CARMIL1: variants seen among roughly 807,000 people sequenced by gnomAD.
CARMIL1 encodes the protein capping protein regulator and myosin 1 linker 1.
CARMIL1 carries 90 observed loss-of-function variants against 177.1 expected under a neutral mutation model. The ratio of observed to expected loss-of-function variants is 0.51; its 90% confidence interval spans 0.43 to 0.61. The LOEUF (loss-of-function observed/expected upper bound fraction) is 0.61, where lower values mean the gene tolerates loss of function less well. CARMIL1 is among the 20% of genes least tolerant of loss of function. The probability of loss-of-function intolerance (pLI) is 0.00; values close to 1 mark genes in which losing one functional copy is unlikely to be tolerated. For synonymous variants in CARMIL1, 577 were observed against 606.2 expected, an observed-to-expected ratio of 0.95 and a Z score of 0.71; for missense variants, 1,380 against 1,667.0, an observed-to-expected ratio of 0.83 and a Z score of 3.00.
intron 2 of CARMIL1, among the ~76,000 whole-genome samples, chr6:25,292,651 G>A (rs558182486): frequency 6.6e-6 from 1 of 152,258 alleles, no homozygotes; most frequent in Non-Finnish European, 1.5e-5. Flanking sequence ...TAGGATAGGC[G>A]AGTCAAATGA....
chr6:25,391,694 A>T (rs745382785), intron 2 of CARMIL1, among the ~76,000 whole-genome samples: 1 of 152,228 alleles, frequency 6.6e-6, no homozygotes, highest in Non-Finnish European at 1.5e-5. Context: ...TGCACTAACC[A>T]TATTGCCAGG....
intron 2 of CARMIL1, among the ~76,000 whole-genome samples, chr6:25,346,210 C>G (rs545455703): frequency 2.8e-4 from 43 of 152,328 alleles, no homozygotes; most frequent in African/African-American, 1.0e-3. Context: ...GTGGTGTGCC[C>G]TAGCCCTCCA....
chr6:25,366,353 C>T (rs145370285), intron 2 of CARMIL1, among the ~76,000 whole-genome samples: 367 of 152,018 alleles, frequency 2.4e-3, no homozygotes, highest in Middle Eastern at 0.01. Flanking sequence ...CTAAGATTTC[C>T]ATGCAGTTTG....
At chr6:25,611,724 G>T (rs1214483901) in intron 36 of CARMIL1, among the ~76,000 whole-genome samples, 2 of 152,170 alleles carry the variant, frequency 1.3e-5, no homozygotes, top group African/African-American at 4.8e-5. Flanking sequence ...AAAAATCATT[G>T]TTTTAACATT....
At chr6:25,479,172 C>T (rs555332405) in intron 11 of CARMIL1, 4 of 518,960 alleles carry the variant, frequency 7.7e-6, no homozygotes, top group Non-Finnish European at 1.5e-5. Flanking sequence ...TTGTGGTTTG[C>T]CCCAGTGATT....
At chr6:25,578,403 C>T (rs1812795843) in intron 29 of CARMIL1, among the ~76,000 whole-genome samples, 1 of 152,108 alleles carries the variant, frequency 6.6e-6, no homozygotes, top group Admixed American at 6.6e-5. Context: ...AATTTCTAGA[C>T]AAACATTAAA....
intron 2 of CARMIL1, among the ~76,000 whole-genome samples, chr6:25,308,920 A>G (rs556779203): frequency 6.6e-6 from 1 of 152,350 alleles, no homozygotes; most frequent in Non-Finnish European, 1.5e-5. Context: ...TATTAATTCA[A>G]CAAATACTTA....
At chr6:25,423,598 G>A (rs961162059) in intron 3 of CARMIL1, among the ~76,000 whole-genome samples, 1 of 152,196 alleles carries the variant, frequency 6.6e-6, no homozygotes, top group Admixed American at 6.5e-5. Context: ...AGGCCTGGCT[G>A]AGGAGCTGAA....
intron 2 of CARMIL1, among the ~76,000 whole-genome samples, chr6:25,364,901 T>C (rs375350158): frequency 6.6e-6 from 1 of 152,090 alleles, no homozygotes; most frequent in African/African-American, 2.4e-5. Flanking sequence ...CCCAAAGCTA[T>C]ATTATTAGTG....
chr6:25,455,751 A>AT (rs1799456416), intron 8 of CARMIL1, among the ~76,000 whole-genome samples: 1 of 152,110 alleles, frequency 6.6e-6, no homozygotes, highest in Non-Finnish European at 1.5e-5. Context: ...TGTAACTGCC[A>AT]TTTTCCCAGG....
intron 2 of CARMIL1, among the ~76,000 whole-genome samples, chr6:25,386,761 C>G (rs1792201442): frequency 6.6e-6 from 1 of 152,000 alleles, no homozygotes; most frequent in African/African-American, 2.4e-5. Context: ...ATTGATTTTA[C>G]TTTGAAAGTC....
chr6:25,322,187 A>G (rs1047238336), intron 2 of CARMIL1, among the ~76,000 whole-genome samples: 1 of 152,154 alleles, frequency 6.6e-6, no homozygotes, highest in Admixed American at 6.6e-5. Flanking sequence ...CAGTGGCACT[A>G]TCTCAGCTCA....
chr6:25,487,020 A>G (rs1169560322), intron 12 of CARMIL1, among the ~76,000 whole-genome samples: 1 of 152,192 alleles, frequency 6.6e-6, no homozygotes, highest in Admixed American at 6.5e-5. Flanking sequence ...GTGAGTTGAC[A>G]GCCAAGAAGT....
chr6:25,517,341 A>G lies in CARMIL1; in HGVS notation c.1806-6A>G. The G allele has an allele frequency of 6.2e-7, 1 of 1,610,866 alleles. No individual in the cohort carries two copies. Among genetic ancestry groups the G allele is most frequent in the Non-Finnish European group, 8.5e-7 (1 of 1,177,470 alleles). On this transcript the variant is annotated splice_polypyrimidine_tract_variant and splice_region_variant and intron_variant, in intron 21 of 36. Coordinates refer to ENST00000329474, the MANE Select transcript of CARMIL1 (RefSeq NM_017640.6). Reference sequence around the variant, plus strand: ...TGATCATTTATGTGATTTGATTTTCAAACAGGACTGTAATATGGGACAAGA... The same window carrying G: ...TGATCATTTATGTGATTTGATTTTCGAACAGGACTGTAATATGGGACAAGA...
chr6:25,461,453 A>G (rs1039008927), intron 8 of CARMIL1, among the ~76,000 whole-genome samples: 7 of 152,200 alleles, frequency 4.6e-5, no homozygotes, highest in African/African-American at 1.7e-4. Context: ...TTGGTGCTTG[A>G]TGCTGGCTGG....
intron 31 of CARMIL1, among the ~76,000 whole-genome samples, chr6:25,587,016 GAGGGAGAGGGAGACTGGGGAA>G (rs1309751917): frequency 1.4e-5 from 2 of 144,194 alleles, no homozygotes; most frequent in African/African-American, 5.2e-5. Flanking sequence ...GGGAGAGGGA[GAGGGAGAGGGAGACTGGGGAA>G]AGGGAGAGGG....
chr6:25,412,286 G>C (rs1794968951), intron 2 of CARMIL1, among the ~76,000 whole-genome samples: 1 of 152,230 alleles, frequency 6.6e-6, no homozygotes, highest in African/African-American at 2.4e-5. Flanking sequence ...TTTTTAAAGA[G>C]AAGAGAGCCT....
chr6:25,538,318 C>A (rs759354315), intron 25 of CARMIL1, among the ~76,000 whole-genome samples: 31 of 152,190 alleles, frequency 2.0e-4, no homozygotes, highest in Non-Finnish European at 2.5e-4. Flanking sequence ...TCTGTTACCC[C>A]TAAAAGGAAG....
chr6:25,607,014 A>C (rs933024902), intron 35 of CARMIL1, among the ~76,000 whole-genome samples: 2 of 152,018 alleles, frequency 1.3e-5, no homozygotes, highest in South Asian at 2.1e-4. Context: ...CAGGTGTGGT[A>C]GTGCACACCT....
Sources: allele counts gnomAD v4.1 joint callset (sites outside exome capture counted in the v4.1 genomes callset), GRCh38; gene constraint gnomAD v4.1.1; transcripts MANE v1.5; gene names NCBI Gene and HGNC (gene_info 2026-07-23, HGNC 2026-07-21).